The following SLC35F3 variants were observed in gnomAD, a reference collection of about 807,000 sequenced individuals.
The protein encoded by SLC35F3 is solute carrier family 35 member F3.
Under a neutral mutation model 49.9 loss-of-function variants are expected in SLC35F3, and 25 were observed. The observed-to-expected ratio is 0.50, with a 90% CI of 0.37 to 0.70. SLC35F3 has a LOEUF of 0.70. SLC35F3 is among the 30% of genes least tolerant of loss of function. The pLI is 0.00. For synonymous variants in SLC35F3, 275 were observed against 265.4 expected, an observed-to-expected ratio of 1.04 and a Z score of -0.35; for missense variants, 525 against 639.8, an observed-to-expected ratio of 0.82 and a Z score of 1.94.
chr1:234,219,338 A>AGTTT (rs1000602400), intron 2 of SLC35F3, among the ~76,000 whole-genome samples: 37 of 152,208 alleles, frequency 2.4e-4, no homozygotes, highest in Non-Finnish European at 4.4e-4. Flanking sequence ...ACTGCCAAAG[A>AGTTT]GTTTCCCCAA....
intron 2 of SLC35F3, among the ~76,000 whole-genome samples, chr1:233,911,468 G>A (rs1661872178): frequency 6.6e-6 from 1 of 152,144 alleles, no homozygotes; most frequent in African/African-American, 2.4e-5. Context: ...TTTTTATTGG[G>A]TCAGAGAATT....
At chr1:234,242,978 G>A (rs1667576921) in intron 3 of SLC35F3, among the ~76,000 whole-genome samples, 1 of 152,164 alleles carries the variant, frequency 6.6e-6, no homozygotes, top group Non-Finnish European at 1.5e-5. Flanking sequence ...CCAACAAAAT[G>A]GAGACAGGCT....
At chr1:234,299,978 A>C (rs1668668458) in intron 3 of SLC35F3, among the ~76,000 whole-genome samples, 1 of 152,152 alleles carries the variant, frequency 6.6e-6, no homozygotes, top group South Asian at 2.1e-4. Flanking sequence ...TCATGAAAAT[A>C]ATCTGGAAAT....
In SLC35F3 at chr1:234,231,665, T is replaced by C. The variant is rs1404311590; in HGVS notation, c.532T>C (p.Phe178Leu). ...TLTWFATNWNFLFFPLYYVGH... is the reference protein window; with the variant it reads ...TLTWFATNWNLLFFPLYYVGH... ...CACGTGGTTTGCCACCAACTGGAACTTTTTATTCTTCCCGTTGTACTACGT... is the reference window on the plus strand; with the variant it reads ...CACGTGGTTTGCCACCAACTGGAACCTTTTATTCTTCCCGTTGTACTACGT... The change falls in exon 3 of 8, where the codon TTT becomes CTT. Residue 178 changes from phenylalanine to leucine, a missense_variant. Transcript: ENST00000366618. The surrounding 1 kb of genome is among the most constrained non-coding windows in gnomAD (Gnocchi z 5.4). The C allele has an allele frequency of 6.2e-7, 1 of 1,614,204 alleles. No homozygotes were observed. The highest frequency in any genetic ancestry group is 2.2e-5 in the East Asian group (1 of 44,878).
intron 2 of SLC35F3, among the ~76,000 whole-genome samples, chr1:233,985,419 G>T (rs537954485): frequency 6.6e-6 from 1 of 152,242 alleles, no homozygotes; most frequent in East Asian, 1.9e-4. Flanking sequence ...TATTTTTATT[G>T]AATCTATAGC....
intron 2 of SLC35F3, among the ~76,000 whole-genome samples, chr1:234,073,941 T>C (rs1453745401): frequency 6.6e-6 from 1 of 152,204 alleles, no homozygotes; most frequent in Non-Finnish European, 1.5e-5. Context: ...AGTGTCTTTA[T>C]ATTGTGTATC....
intron 2 of SLC35F3, among the ~76,000 whole-genome samples, chr1:234,139,565 C>T (rs988287861): frequency 6.6e-6 from 1 of 152,130 alleles, no homozygotes; most frequent in Admixed American, 6.5e-5. Flanking sequence ...AGAATACAGT[C>T]GTCCCCACTT....
intron 3 of SLC35F3, among the ~76,000 whole-genome samples, chr1:234,251,276 G>A (rs1310188204): frequency 6.6e-6 from 1 of 152,056 alleles, no homozygotes. Flanking sequence ...GAAGGTTACA[G>A]GGACAAAAGG....
intron 4 of SLC35F3, among the ~76,000 whole-genome samples, chr1:234,312,416 T>G (rs1306502061): frequency 3.9e-5 from 6 of 152,198 alleles, no homozygotes; most frequent in African/African-American, 1.2e-4. Flanking sequence ...TCAATCAGAT[T>G]CCAGCTGATG....
At chr1:234,135,960 A>G (rs1471224800) in intron 2 of SLC35F3, among the ~76,000 whole-genome samples, 1 of 152,224 alleles carries the variant, frequency 6.6e-6, no homozygotes, top group Non-Finnish European at 1.5e-5. Context: ...ACCGTGCCAT[A>G]TACCAAGGGC....
chr1:234,112,389 T>C lies in SLC35F3; in HGVS notation c.284-119028T>C, dbSNP rs551780237. On this transcript the variant is annotated intron_variant, in intron 2 of 7. Transcript: ENST00000366618. ...AAAAAATCTGTGCTTAGACACATAC[T>C]TTCCCTATAACAATGCACAGAACAC... 6.6e-5 allele frequency among the ~76,000 whole-genome samples: 10 copies of C among 152,032 alleles called. 1 individual carries two copies.
intron 3 of SLC35F3, among the ~76,000 whole-genome samples, chr1:234,267,503 G>A (rs1572124750): frequency 6.8e-6 from 1 of 147,306 alleles, no homozygotes; most frequent in East Asian, 2.0e-4. Flanking sequence ...TGGCCGGGCG[G>A]GGGGCTGACC....
intron 2 of SLC35F3, among the ~76,000 whole-genome samples, chr1:234,127,419 A>G (rs1486190106): frequency 1.3e-5 from 2 of 152,172 alleles, no homozygotes; most frequent in African/African-American, 4.8e-5. Context: ...AGTTGGGGGC[A>G]TCAAGTTCAA....
At chr1:234,265,030 T>C (rs1667959627) in intron 3 of SLC35F3, among the ~76,000 whole-genome samples, 1 of 151,924 alleles carries the variant, frequency 6.6e-6, no homozygotes, top group Admixed American at 6.6e-5. Flanking sequence ...CTTTGTCCTC[T>C]CCTCTGCAGT....
intron 4 of SLC35F3, among the ~76,000 whole-genome samples, chr1:234,314,029 G>C (rs1657422213): frequency 6.6e-6 from 1 of 152,222 alleles, no homozygotes; most frequent in Non-Finnish European, 1.5e-5. Flanking sequence ...CCCAGCACAT[G>C]GGTCCGGTCA....
intron 2 of SLC35F3, among the ~76,000 whole-genome samples, chr1:234,174,986 TG>T (rs1181827739): frequency 1.3e-5 from 2 of 152,214 alleles, no homozygotes; most frequent in African/African-American, 4.8e-5. Flanking sequence ...GAAGGCGTCT[TG>T]TCATCTGAGA....
At chr1:233,953,113 A>C (rs916248970) in intron 2 of SLC35F3, among the ~76,000 whole-genome samples, 1 of 152,220 alleles carries the variant, frequency 6.6e-6, no homozygotes, top group Admixed American at 6.5e-5. Flanking sequence ...GAAATAGGAA[A>C]AGACTAGAGC....
chr1:234,260,856 A>C (rs1332659253), intron 3 of SLC35F3, among the ~76,000 whole-genome samples: 1 of 152,158 alleles, frequency 6.6e-6, no homozygotes, highest in African/African-American at 2.4e-5. Flanking sequence ...AAGACACTTT[A>C]CTGCACGGAC....
intron 3 of SLC35F3, among the ~76,000 whole-genome samples, chr1:234,279,363 G>A (rs984805330): frequency 1.3e-5 from 2 of 152,150 alleles, no homozygotes; most frequent in African/African-American, 4.8e-5. Flanking sequence ...TGATTTTGGG[G>A]CCCCAAGATT....
Sources: allele counts gnomAD v4.1 joint callset (sites outside exome capture counted in the v4.1 genomes callset), GRCh38; gene constraint gnomAD v4.1.1; non-coding constraint Gnocchi (gnomAD v3.1); transcripts MANE v1.5; gene names NCBI Gene and HGNC (gene_info 2026-07-23, HGNC 2026-07-21).